The following ADAMTSL1 variants were observed in gnomAD, a reference collection of about 807,000 sequenced individuals.
The protein encoded by ADAMTSL1 is ADAMTS-like protein 1.
In ADAMTSL1, 126 loss-of-function variants were observed where a neutral mutation model predicts 201.8. That is an observed-to-expected ratio of 0.62 (90% CI 0.54 to 0.72). The LOEUF is 0.72. Ranked by LOEUF, ADAMTSL1 falls within the 30% of genes least tolerant of loss-of-function variation. ADAMTSL1 has a pLI of 0.00. For synonymous variants in ADAMTSL1, 1,121 were observed against 903.4 expected (o/e 1.24, Z -4.32); for missense variants, 2,679 against 2,277.8 (o/e 1.18, Z -3.59).
chr9:18,529,308 A>G (rs1288115754), intron 2 of ADAMTSL1, among the ~76,000 whole-genome samples: 1 of 152,176 alleles, frequency 6.6e-6, no homozygotes, highest in East Asian at 1.9e-4. Context: ...TATAATAACA[A>G]CAAGACAGGT....
At chr9:17,988,212 A>T (rs1819003776) in intron 1 of ADAMTSL1, among the ~76,000 whole-genome samples, 1 of 152,062 alleles carries the variant, frequency 6.6e-6, no homozygotes, top group African/African-American at 2.4e-5. Context: ...TCCTTTCAGA[A>T]GGTGAAATAA....
chr9:18,433,840 A>G (rs1016010347), intron 2 of ADAMTSL1, among the ~76,000 whole-genome samples: 1 of 152,240 alleles, frequency 6.6e-6, no homozygotes, highest in Non-Finnish European at 1.5e-5. Context: ...CACAATGTGT[A>G]TATGTCCTGA....
intron 2 of ADAMTSL1, among the ~76,000 whole-genome samples, chr9:18,275,453 G>A (rs1237013656): frequency 6.6e-6 from 1 of 152,048 alleles, no homozygotes; most frequent in East Asian, 1.9e-4. Flanking sequence ...CCACAGTCAA[G>A]TTTCAGAACA....
At chr9:18,207,611 A>C (rs1254838551) in intron 2 of ADAMTSL1, among the ~76,000 whole-genome samples, 1 of 152,224 alleles carries the variant, frequency 6.6e-6, no homozygotes, top group Non-Finnish European at 1.5e-5. Context: ...TCTTTAATGC[A>C]GATGAAAAGG....
intron 2 of ADAMTSL1, among the ~76,000 whole-genome samples, chr9:18,218,148 A>G (rs1380393922): frequency 6.6e-6 from 1 of 152,248 alleles, no homozygotes; most frequent in African/African-American, 2.4e-5. Context: ...CTCTAAAGCT[A>G]CAGTCATCTA....
intron 3 of ADAMTSL1, among the ~76,000 whole-genome samples, chr9:18,537,015 G>A (rs766341222): frequency 6.6e-6 from 1 of 152,182 alleles, no homozygotes; most frequent in African/African-American, 2.4e-5. Context: ...CACACTGCTT[G>A]TGGTAGCTGG....
intron 2 of ADAMTSL1, among the ~76,000 whole-genome samples, chr9:18,411,807 G>A (rs1367063978): frequency 6.6e-6 from 1 of 152,110 alleles, no homozygotes; most frequent in Non-Finnish European, 1.5e-5. Context: ...TTTAGAATAT[G>A]TAGCAGCCAT....
intron 2 of ADAMTSL1, among the ~76,000 whole-genome samples, chr9:18,240,940 A>C (rs1831037563): frequency 6.6e-6 from 1 of 152,186 alleles, no homozygotes; most frequent in South Asian, 2.1e-4. Flanking sequence ...ACTTCTGTCA[A>C]CATTCACAGA....
chr9:18,865,230 C>T (rs1827451410), intron 23 of ADAMTSL1, among the ~76,000 whole-genome samples: 2 of 152,042 alleles, frequency 1.3e-5, no homozygotes, highest in South Asian at 2.1e-4. Flanking sequence ...GTGATGTTCC[C>T]CTTCCTGTGT....
At chr9:18,489,931 C>T (rs1364427968) in intron 1 of ADAMTSL1, among the ~76,000 whole-genome samples, 36 of 152,150 alleles carry the variant, frequency 2.4e-4, no homozygotes, top group Non-Finnish European at 2.4e-4. Context: ...GCCCATAAAC[C>T]TTCAGTGCCT....
At chr9:18,876,454 G>A (rs901596079) in intron 23 of ADAMTSL1, among the ~76,000 whole-genome samples, 37 of 151,984 alleles carry the variant, frequency 2.4e-4, no homozygotes, top group Non-Finnish European at 1.6e-4. Context: ...ACTTGGTAGT[G>A]GTGAATTCTC....
Position 18,036,753 on chromosome 9 carries a change from C to T in ADAMTSL1, c.88-127109C>T, listed in dbSNP as rs78211042. On this transcript the variant is annotated intron_variant, in intron 1 of 29. Coordinates refer to the ADAMTSL1 transcript ENST00000680146. ...CTAATTATGTGTTAAGATTCTCCTGCTTTCAGTATATAGGCCAAAGTTCAG... is the reference window on the plus strand; with the variant it reads ...CTAATTATGTGTTAAGATTCTCCTGTTTTCAGTATATAGGCCAAAGTTCAG... Among the ~76,000 whole-genome samples, 997 of 152,276 alleles carry T rather than the reference C, an allele frequency of 6.5e-3. 15 individuals carry two copies. The highest frequency in any genetic ancestry group is 0.023 in the African/African-American group (952 of 41,552).
chr9:18,603,400 GCTA>G (rs1824796850), intron 4 of ADAMTSL1, among the ~76,000 whole-genome samples: 1 of 145,564 alleles, frequency 6.9e-6, no homozygotes, highest in Non-Finnish European at 1.5e-5. Context: ...GCTATGCTAT[GCTA>G]TGCTATGCTA....
intron 2 of ADAMTSL1, among the ~76,000 whole-genome samples, chr9:18,507,608 A>T (rs1247755883): frequency 2.0e-5 from 3 of 152,186 alleles, no homozygotes. Flanking sequence ...AAAGCACAAC[A>T]CAACATGCTA....
At chr9:18,428,434 C>CAAAAAAAA (rs368935296) in intron 2 of ADAMTSL1, among the ~76,000 whole-genome samples, 1 of 119,606 alleles carries the variant, frequency 8.4e-6, no homozygotes, top group Non-Finnish European at 1.7e-5. Context: ...CCTATGTCTA[C>CAAAAAAAA]AAAAAAAAAA....
Position 18,418,158 on chromosome 9 carries a change from A to G in ADAMTSL1, c.208-86671A>G, listed in dbSNP as rs138495898. Among the ~76,000 whole-genome samples, 780 of 152,334 alleles carry G rather than the reference A, an allele frequency of 5.1e-3. 9 individuals carry two copies. Among genetic ancestry groups the G allele is most frequent in the African/African-American group, 0.016 (676 of 41,578 alleles). ...AAACTCAATATTTATTCATGATAAA[A>G]TCTCTCAGTCAGCTAGGAAAAGAAG... On this transcript the variant is annotated intron_variant, in intron 2 of 29. Coordinates refer to the ADAMTSL1 transcript ENST00000680146.
intron 15 of ADAMTSL1, among the ~76,000 whole-genome samples, chr9:18,730,121 G>A (rs1818124997): frequency 2.0e-5 from 3 of 152,118 alleles, no homozygotes; most frequent in Admixed American, 2.0e-4. Context: ...TAATTTGGCT[G>A]ATGCTTTGAA....
intron 1 of ADAMTSL1, among the ~76,000 whole-genome samples, chr9:17,936,113 G>T (rs1374202534): frequency 6.6e-6 from 1 of 152,088 alleles, no homozygotes; most frequent in Non-Finnish European, 1.5e-5. Context: ...ATCTTCATTT[G>T]CTCTCATTTC....
intron 9 of ADAMTSL1, among the ~76,000 whole-genome samples, chr9:18,670,643 A>G (rs1829753960): frequency 6.6e-6 from 1 of 152,168 alleles, no homozygotes; most frequent in Admixed American, 6.5e-5. Context: ...TTAATTTTGG[A>G]TGTGGTTGCA....
Sources: allele counts gnomAD v4.1 joint callset (sites outside exome capture counted in the v4.1 genomes callset), GRCh38; gene constraint gnomAD v4.1.1; transcripts MANE v1.5; gene names NCBI Gene and HGNC (gene_info 2026-07-23, HGNC 2026-07-21).